The following ZBTB7B variants were observed in gnomAD, a reference collection of about 807,000 sequenced individuals.
ZBTB7B encodes the protein zinc finger and BTB domain containing 7B.
In ZBTB7B, 8 loss-of-function variants were observed where a neutral mutation model predicts 31.0. The observed-to-expected ratio is 0.26, with a 90% confidence interval of 0.15 to 0.47. The LOEUF (loss-of-function observed/expected upper bound fraction) is 0.47. Among genes scored for constraint, ZBTB7B ranks in the 20% least tolerant of loss-of-function variants. ZBTB7B has a pLI of 0.99. For missense variants in ZBTB7B, 494 were observed against 742.4 expected (o/e 0.67, Z 3.89); for synonymous variants, 261 against 307.3 (o/e 0.85, Z 1.58).
At chr1:155,014,394 C>T (rs930479160) in intron 1 of ZBTB7B, 4 of 501,508 alleles carry the variant, frequency 8.0e-6, no homozygotes, top group Admixed American at 3.4e-5. Flanking sequence ...GAACAAGGAC[C>T]GGGCCCACTC....
At chr1:155,011,087 C>A in intron 1 of ZBTB7B, 1 of 1,304,910 alleles carries the variant, frequency 7.7e-7, no homozygotes. Flanking sequence ...ATTTTCTCTG[C>A]TGCTAATCCT....
chr1:155,005,733 G>A (rs1256078466), intron 1 of ZBTB7B, among the ~76,000 whole-genome samples: 3 of 152,224 alleles, frequency 2.0e-5, no homozygotes, highest in African/African-American at 4.8e-5. Flanking sequence ...ACAGGCAGAT[G>A]GATAGGACCC....
chr1:155,012,039 C>T (rs1046315323), intron 1 of ZBTB7B, among the ~76,000 whole-genome samples: 1 of 152,190 alleles, frequency 6.6e-6, no homozygotes, highest in Admixed American at 6.5e-5. Flanking sequence ...TCCTCTGCCT[C>T]TCCCCCTCTT....
In ZBTB7B at chr1:155,012,101, C is replaced by T. The variant is rs575451921; in HGVS notation, c.-6-2554C>T. 5.9e-5 allele frequency among the ~76,000 whole-genome samples: 9 copies of T among 152,330 alleles called. No homozygotes were observed. The South Asian group carries it at 1.5e-3, about 25-fold the overall frequency. On this transcript the variant is annotated intron_variant, in intron 1 of 2. Coordinates refer to ENST00000535420, the MANE Select transcript of ZBTB7B (RefSeq NM_001256455.2). ...TTGGATTTGGGCCTAAGGAGTTAAA[C>T]ACCCACCCTTGCCCAATCCCTGTGT...
rs1658447677 is a variant in ZBTB7B at position 155,004,615 on chromosome 1, A to C, written c.-7+1672A>C. Among the ~76,000 whole-genome samples, 1 of 152,010 alleles carries C rather than the reference A, an allele frequency of 6.6e-6. No homozygotes were observed. Among genetic ancestry groups the C allele is most frequent in the African/African-American group, 2.4e-5 (1 of 41,368 alleles). On this transcript the variant is annotated intron_variant, in intron 1 of 2. Transcript: ENST00000535420. This position sits in a 1 kb window ranked among gnomAD's most constrained non-coding sequence, Gnocchi z 4.0. ...GAGTGTTGTGCTGCGCTAGAGAGGG[A>C]CATATGTGTGACTATGTCTGGATGA...
Position 155,014,955 on chromosome 1 carries a change from C to T in ZBTB7B, c.295C>T (p.Leu99=). The T allele has an allele frequency of 6.2e-7, 1 of 1,613,894 alleles. No homozygotes were observed. Reference sequence around the variant, plus strand: ...GCTGGACTTTGTAGGGCCAGAGGCACTAGGCGCCCTCCTTGAATTTGCCTA... The same window carrying T: ...GCTGGACTTTGTAGGGCCAGAGGCATTAGGCGCCCTCCTTGAATTTGCCTA... The part of the protein sequence containing the change: ...CELDFVGPEA[L]GALLEFAYTA... The change falls in exon 2 of 3, where the codon CTA becomes TTA. Residue 99 remains leucine (L), a synonymous_variant. Transcript: ENST00000535420.
intron 2 of ZBTB7B, 41 bp downstream of exon 2, chr1:155,015,855 T>A (rs761208426): frequency 3.1e-6 from 5 of 1,588,778 alleles, no homozygotes; most frequent in Non-Finnish European, 1.7e-6. Flanking sequence ...GGGCCATGGG[T>A]AGGGGACAGG....
intron 1 of ZBTB7B, among the ~76,000 whole-genome samples, chr1:155,005,223 C>T (rs983701554): frequency 6.2e-5 from 9 of 145,880 alleles, no homozygotes; most frequent in East Asian, 2.0e-4. Context: ...GCATGGGGGG[C>T]GGAGCGCTCT....
Position 155,016,127 on chromosome 1 carries a change from A to C in ZBTB7B, c.1155-93A>C, listed in dbSNP as rs1447527936. 6 of 1,348,038 alleles carry C rather than the reference A, an allele frequency of 4.5e-6. No individual in the cohort carries two copies. 83.5% of individuals were successfully genotyped at this position (1,348,038 alleles called of 1,614,324 possible). A position where few individuals can be genotyped will look rare whatever the true frequency, so the allele number is the denominator to read the frequency against. ...ATAGTGGGGTAACAAATGGTGAGGAACAGGGATGGGACAAGGCCAGGGTGG... is the reference window on the plus strand; with the variant it reads ...ATAGTGGGGTAACAAATGGTGAGGACCAGGGATGGGACAAGGCCAGGGTGG... On this transcript the variant is annotated intron_variant, in intron 2 of 2. Transcript: ENST00000535420. This position sits in a 1 kb window ranked among gnomAD's most constrained non-coding sequence, Gnocchi z 4.3.
Position 155,015,354 on chromosome 1 carries a change from A to G in ZBTB7B, c.694A>G (p.Thr232Ala), listed in dbSNP as rs763986775. 1.3e-6 allele frequency: 2 copies of G among 1,582,192 alleles called. No individual in the cohort carries two copies. The highest frequency in any genetic ancestry group is 2.3e-5 in the East Asian group (1 of 44,396). ...GCCCACAGTGCCCGCCCATCCCTTG[A>G]CCTATGAGGAGGAGGAGGTGGCGGG... ...EVPTVPAHPL[T>A]YEEEEVAGRV... Residue 232 changes from threonine (T) to alanine (A), a missense_variant, in exon 2 of 3, where the codon ACC becomes GCC. By Grantham distance (58) the Thr-to-Ala change is moderately conservative (BLOSUM62 0). Coordinates refer to ENST00000535420, the MANE Select transcript of ZBTB7B (RefSeq NM_001256455.2).
In ZBTB7B at chr1:155,014,647, C is replaced by T. The variant is rs1053178569; in HGVS notation, c.-6-8C>T. ...CGCTCTTAATCTCCCCTCTACTTGA[C>T]TCTGCAGGAGAAGATGGGGAGCCCC... On this transcript the variant is annotated splice_polypyrimidine_tract_variant and splice_region_variant and intron_variant, in intron 1 of 2. Transcript: ENST00000535420. The T allele has an allele frequency of 3.1e-6, 5 of 1,606,254 alleles. No homozygotes were observed. The highest frequency in any genetic ancestry group is 1.7e-4 in the Middle Eastern group (1 of 6,044).
chr1:155,018,226 C>T lies in ZBTB7B; in HGVS notation c.*1541C>T. On this transcript the variant is annotated 3_prime_UTR_variant, in exon 3 of 3. Transcript: ENST00000535420. ...GGTCACAGGGAGGGGGTAGCGGGAC[C>T]AGTCCCTGTTATCTATTTAAAAAGT... 1 of 309,916 alleles carries T rather than the reference C, an allele frequency of 3.2e-6. No individual in the cohort carries two copies. The highest frequency in any genetic ancestry group is 6.1e-6 in the Non-Finnish European group (1 of 162,992). The allele number at this position is 309,916 out of a possible 1,614,324, so 19.2% of individuals were successfully genotyped here.
At position 155,004,467 on chromosome 1, in the gene ZBTB7B, T is replaced by C. The variant is rs748190435; in HGVS notation, c.-7+1524T>C. The stretch of plus-strand genomic sequence containing the variant: ...TGTGGGGATGAGGCCTGGAGGATTA[T>C]GGGGTTGCCTCCTGCTGCCCCACAC... On this transcript the variant is annotated intron_variant, in intron 1 of 2. Coordinates refer to ENST00000535420, the MANE Select transcript of ZBTB7B (RefSeq NM_001256455.2). This position sits in a 1 kb window ranked among gnomAD's most constrained non-coding sequence, Gnocchi z 4.0. 6.1e-4 allele frequency among the ~76,000 whole-genome samples: 92 copies of C among 152,012 alleles called. 2 individuals carry two copies. The highest frequency in any genetic ancestry group is 4.6e-4 in the Admixed American group (7 of 15,268).
rs564843354 is a variant in ZBTB7B at position 155,012,352 on chromosome 1, C to T, written c.-6-2303C>T. The stretch of plus-strand genomic sequence containing the variant: ...AGCCAATGGACAGCGAGGACAGCCC[C>T]ACCCATCCCCCTTAGGAGGGACAGG... On this transcript the variant is annotated intron_variant, in intron 1 of 2. Transcript: ENST00000535420. Among the ~76,000 whole-genome samples, 8 of 152,264 alleles carry T rather than the reference C, an allele frequency of 5.3e-5. No individual in the cohort carries two copies. The East Asian group carries it at 1.4e-3, about 26-fold the overall frequency.
At chr1:155,005,808 C>G (rs1456770037) in intron 1 of ZBTB7B, among the ~76,000 whole-genome samples, 1 of 152,310 alleles carries the variant, frequency 6.6e-6, no homozygotes, top group East Asian at 1.9e-4. Flanking sequence ...CGTGAGTAAA[C>G]TTGACGTTTT....
Position 155,016,343 on chromosome 1 carries a change from G to A in ZBTB7B, c.1278G>A (p.Gly426=). The A allele has an allele frequency of 6.2e-7, 1 of 1,614,134 alleles. No individual in the cohort carries two copies. ...DLKNHMHLHT[G]DRPYECHLCH... ...AGAACCACATGCACCTGCACACAGG[G>A]GACCGGCCCTATGAGTGCCACCTGT... The change falls in exon 3 of 3, where the codon GGG becomes GGA. Residue 426 remains glycine, a synonymous_variant. Coordinates refer to ENST00000535420, the MANE Select transcript of ZBTB7B (RefSeq NM_001256455.2). This position sits in a 1 kb window ranked among gnomAD's most constrained non-coding sequence, Gnocchi z 4.3.
chr1:155,005,121 G>A (rs1020891635), intron 1 of ZBTB7B, among the ~76,000 whole-genome samples: 2 of 152,138 alleles, frequency 1.3e-5, no homozygotes, highest in African/African-American at 2.4e-5. Context: ...GGGTGCGGCG[G>A]GCAGCGGGGG....
chr1:155,010,047 G>A (rs780184146), intron 1 of ZBTB7B, among the ~76,000 whole-genome samples: 5 of 152,138 alleles, frequency 3.3e-5, no homozygotes, highest in Admixed American at 1.3e-4. Context: ...ACAGAACCAG[G>A]AGGCCAAGAG....
rs202112935 is a variant in ZBTB7B, at chr1:155,015,621, C to T, written c.961C>T (p.Leu321=). 54 of 1,613,594 alleles carry T rather than the reference C, an allele frequency of 3.3e-5. No homozygotes were observed. Among genetic ancestry groups the T allele is most frequent in the Non-Finnish European group, 4.5e-5 (53 of 1,180,020 alleles). ...DPDLMAYLSS[L]HQDNLAPGLD... ...TGACCTGATGGCCTACCTAAGCTCC[C>T]TGCACCAGGACAACCTGGCACCAGG... The change falls in exon 2 of 3, where the codon CTG becomes TTG. Residue 321 remains leucine (L), a synonymous_variant. Coordinates refer to ENST00000535420, the MANE Select transcript of ZBTB7B (RefSeq NM_001256455.2).
Sources: allele counts gnomAD v4.1 joint callset (sites outside exome capture counted in the v4.1 genomes callset), GRCh38; gene constraint gnomAD v4.1.1; non-coding constraint Gnocchi (gnomAD v3.1); transcripts MANE v1.5; gene names NCBI Gene and HGNC (gene_info 2026-07-23, HGNC 2026-07-21).